ESAM: variants seen among roughly 807,000 people sequenced by gnomAD.
ESAM encodes endothelial cell adhesion molecule.
A neutral mutation model predicts 31.8 loss-of-function variants in ESAM; 23 were observed. The ratio of observed to expected loss-of-function variants is 0.72; its 90% CI spans 0.52 to 1.03. The LOEUF (loss-of-function observed/expected upper bound fraction) is 1.03. ESAM is among the 50% of genes least tolerant of loss of function. The probability of loss-of-function intolerance (pLI) is 0.00; values close to 1 mark genes in which losing one functional copy is unlikely to be tolerated. For synonymous variants in ESAM, 216 were observed against 207.2 expected, an observed-to-expected ratio of 1.04 and a Z score of -0.37; for missense variants, 478 against 488.9, an observed-to-expected ratio of 0.98 and a Z score of 0.21.
At chr11:124,760,843 G>C (rs1944220917) in intron 1 of ESAM, among the ~76,000 whole-genome samples, 2 of 152,218 alleles carry the variant, frequency 1.3e-5, no homozygotes, top group African/African-American at 4.8e-5. Flanking sequence ...TAGAGTTGGG[G>C]TGGAATGCAG....
chr11:124,758,502 T>C lies in ESAM; in HGVS notation c.96A>G (p.Gln32=), dbSNP rs756033455. The change falls in exon 2 of 7, where the codon CAA becomes CAG. Residue 32 remains glutamine, a synonymous_variant. Transcript: ENST00000278927. ...GCAACCGGTTGGCGGGCAAGTGCAG[T>C]TGCAGCTGGGCCCGCGAGGGGGGCG... is the stretch of plus-strand genomic sequence containing the variant. ...ALAPPSRAQL[Q]LHLPANRLQA... 6.3e-7 allele frequency: 1 copy of C among 1,594,676 alleles called. No individual in the cohort carries two copies. Among genetic ancestry groups the C allele is most frequent in the Non-Finnish European group, 8.5e-7 (1 of 1,170,296 alleles).
chr11:124,758,798 G>C (rs1944188887), intron 1 of ESAM, among the ~76,000 whole-genome samples: 1 of 152,212 alleles, frequency 6.6e-6, no homozygotes, highest in Non-Finnish European at 1.5e-5. Context: ...TTCGTATCCA[G>C]AGGCGCAGAT....
chr11:124,756,672 C>G lies in ESAM; in HGVS notation c.320G>C (p.Arg107Pro), dbSNP rs142566421. The change falls in exon 3 of 7, where the codon CGG becomes CCG. Residue 107 changes from arginine to proline, a missense_variant. Transcript: ENST00000278927. ...ACCCTCCAGCCGCAGGGACAGGTTCCGGGAGGGCATGGAGTAGACCAAGGA... is the reference window on the plus strand; with the variant it reads ...ACCCTCCAGCCGCAGGGACAGGTTCGGGGAGGGCATGGAGTAGACCAAGGA... ...GVSLVYSMPS[R>P]NLSLRLEGLQ... 16 of 1,613,990 alleles carry G rather than the reference C, an allele frequency of 9.9e-6. No individual in the cohort carries two copies. Among genetic ancestry groups the G allele is most frequent in the Non-Finnish European group, 1.3e-5 (15 of 1,180,028 alleles).
Position 124,756,761 on chromosome 11 carries a change from C to T in ESAM, c.250-19G>A, listed in dbSNP as rs1468742899. On this transcript the variant is annotated intron_variant, in intron 2 of 6. Coordinates refer to ENST00000278927, the MANE Select transcript of ESAM (RefSeq NM_138961.3). ...ACAACACCTGGTGTGGGGCATAACA[C>T]ATCCCCGTCATTACTACATGTGTCT... is the stretch of plus-strand genomic sequence containing the variant. 5.6e-6 allele frequency: 9 copies of T among 1,612,288 alleles called. No individual in the cohort carries two copies. In the South Asian group the frequency reaches 8.8e-5, roughly 16 times the overall value.
chr11:124,754,828 T>G lies in ESAM; in HGVS notation c.608-65A>C. On this transcript the variant is annotated intron_variant, in intron 4 of 6. Transcript: ENST00000278927. The surrounding 1 kb of genome is among the most constrained non-coding windows in gnomAD (Gnocchi z 4.5). ...TCCCATTAAAAAAAAAAAAAAATCT[T>G]GTCCCTCCTCTGGAATGTCCCCTTT... 1 of 1,410,306 alleles carries G rather than the reference T, an allele frequency of 7.1e-7. No individual in the cohort carries two copies. The allele number at this position is 1,410,306 out of a possible 1,614,324, so 87.4% of individuals were successfully genotyped here.
chr11:124,754,611 T>G lies in ESAM; in HGVS notation c.730+30A>C. 6.3e-7 allele frequency: 1 copy of G among 1,596,388 alleles called. No individual in the cohort carries two copies. The highest frequency in any genetic ancestry group is 8.5e-7 in the Non-Finnish European group (1 of 1,170,260). On this transcript the variant is annotated intron_variant, in intron 5 of 6. Transcript: ENST00000278927. The surrounding 1 kb of genome is among the most constrained non-coding windows in gnomAD (Gnocchi z 4.5). Reference sequence around the variant, plus strand: ...CAACCCCTCCCCCACCATTGACCACTCTTCTTAACCACACTTACCCCTCAC... The same window carrying G: ...CAACCCCTCCCCCACCATTGACCACGCTTCTTAACCACACTTACCCCTCAC...
intron 1 of ESAM, among the ~76,000 whole-genome samples, chr11:124,758,870 G>C (rs1392258411): frequency 6.6e-6 from 1 of 152,224 alleles, no homozygotes; most frequent in African/African-American, 2.4e-5. Context: ...GAGAAGAAAG[G>C]GTGGACCGAC....
rs369368399 is a variant in ESAM, at chr11:124,755,838, A to AT, written c.607+368dup. On this transcript the variant is annotated intron_variant, in intron 4 of 6. Transcript: ENST00000278927. ...TAAAAATGTTTCAGTTATCCCTAAA[A>AT]TTTTTTTTTATAACTGGTGTGTTCA... is the stretch of plus-strand genomic sequence containing the variant. 3.0e-4 allele frequency among the ~76,000 whole-genome samples: 45 copies of AT among 151,988 alleles called. 1 individual carries two copies. Among genetic ancestry groups the AT allele is most frequent in the African/African-American group, 1.0e-3 (42 of 41,470 alleles).
chr11:124,761,684 T>C (rs544296438), intron 1 of ESAM, among the ~76,000 whole-genome samples: 1 of 151,048 alleles, frequency 6.6e-6, no homozygotes, highest in African/African-American at 2.4e-5. Flanking sequence ...CCTCATCAGC[T>C]TGTATGTGGG....
intron 4 of ESAM, 24 bp downstream of exon 4, chr11:124,756,183 C>A: frequency 6.2e-7 from 1 of 1,612,656 alleles, no homozygotes; most frequent in Middle Eastern, 2.0e-4. Flanking sequence ...CCACAGTGTC[C>A]ACTGTTTCCA....
Position 124,759,893 on chromosome 11 carries a change from C to G in ESAM, c.71-1366G>C, listed in dbSNP as rs1272841763. 1.3e-5 allele frequency among the ~76,000 whole-genome samples: 2 copies of G among 152,244 alleles called. No individual in the cohort carries two copies. The highest frequency in any genetic ancestry group is 4.8e-5 in the African/African-American group (2 of 41,466). On this transcript the variant is annotated intron_variant, in intron 1 of 6. Transcript: ENST00000278927. The surrounding 1 kb of genome is among the most constrained non-coding windows in gnomAD (Gnocchi z 6.8). The stretch of plus-strand genomic sequence containing the variant: ...CTGGACGCCCCCTGGGGACCCGGCC[C>G]GCTGGCCATTCCGCTGAGGCCGGGC...
In ESAM at chr11:124,754,254, G is replaced by A. The variant is rs12792040; in HGVS notation, c.817C>T (p.Arg273Cys). 127,900 of 1,613,814 alleles carry A rather than the reference G, an allele frequency of 0.079. 5,428 individuals carry two copies. The highest frequency in any genetic ancestry group is 0.087 in the Non-Finnish European group (102,138 of 1,179,940). Residue 273 changes from arginine (R) to cysteine (C), a missense_variant, in exon 6 of 7, where the codon CGC becomes TGC. By Grantham distance (180) the Arg-to-Cys change is radical (BLOSUM62 -3). Transcript: ENST00000278927. This position sits in a 1 kb window ranked among gnomAD's most constrained non-coding sequence, Gnocchi z 4.5. ...LLAGLVLLYH[R>C]RGKALEEPAN... ...GGCTCCTCCAGGGCCTTGCCCCGGC[G>A]GTGGTACAAGAGGACCAGCCCAGCC... is the stretch of plus-strand genomic sequence containing the variant.
At chr11:124,758,289 T>G (rs1944180462) in intron 2 of ESAM, 60 bp downstream of exon 2, 1 of 1,600,474 alleles carries the variant, frequency 6.2e-7, no homozygotes, top group African/African-American at 1.3e-5. Context: ...CTACCAGCTC[T>G]TTGCTTACAA....
rs1944157711 is a variant in ESAM at position 124,756,541 on chromosome 11, C to T, written c.451G>A (p.Val151Ile). The change falls in exon 3 of 7, where the codon GTT (valine) becomes ATT (isoleucine). Residue 151 changes from valine (V) to isoleucine (I), a missense_variant and splice_region_variant. Transcript: ENST00000278927. ...SIKTLELNVL[V>I]PPAPPSCRLQ... is the part of the protein sequence containing the mutation. Reference sequence around the variant, plus strand: ...GTCCGGAAATCTGCTTCTCACTCACCCAGTACATTGAGTTCTAAGGTTTTG... The same window carrying T: ...GTCCGGAAATCTGCTTCTCACTCACTCAGTACATTGAGTTCTAAGGTTTTG... 6.2e-7 allele frequency: 1 copy of T among 1,613,900 alleles called. No homozygotes were observed. Among genetic ancestry groups the T allele is most frequent in the Non-Finnish European group, 8.5e-7 (1 of 1,180,014 alleles).
At chr11:124,757,759 T>C (rs1944173753) in intron 2 of ESAM, among the ~76,000 whole-genome samples, 1 of 150,010 alleles carries the variant, frequency 6.7e-6, no homozygotes, top group Non-Finnish European at 1.5e-5. Context: ...GTGCAGTGGC[T>C]GGATTTTGGC....
chr11:124,761,664 G>A (rs1448631490), intron 1 of ESAM, among the ~76,000 whole-genome samples: 2 of 152,032 alleles, frequency 1.3e-5, no homozygotes, highest in Non-Finnish European at 2.9e-5. Context: ...GTATTTCCCC[G>A]GGGGATCTTC....
Position 124,762,218 on chromosome 11 carries a change from C to G in ESAM, c.-64G>C. 4 of 1,314,346 alleles carry G rather than the reference C, an allele frequency of 3.0e-6. No individual in the cohort carries two copies. The highest frequency in any genetic ancestry group is 4.1e-6 in the Non-Finnish European group (4 of 971,542). The allele number at this position is 1,314,346 out of a possible 1,614,324, so 81.4% of individuals were successfully genotyped here. On this transcript the variant is annotated 5_prime_UTR_variant, in exon 1 of 7. Coordinates refer to ENST00000278927, the MANE Select transcript of ESAM (RefSeq NM_138961.3). This position sits in a 1 kb window ranked among gnomAD's most constrained non-coding sequence, Gnocchi z 6.4. ...GCGGGACGCACGGACCTGCAGGTGC[C>G]GAGGCTGCGCGACGGCCGGAGCGTG... is the stretch of plus-strand genomic sequence containing the variant.
chr11:124,758,587 C>T, intron 1 of ESAM, 60 bp from the exon 2 acceptor site: 1 of 1,438,848 alleles, frequency 7.0e-7, no homozygotes, highest in Non-Finnish European at 9.1e-7. Context: ...CCCGCGGACC[C>T]TGCCCTACGC....
chr11:124,754,266 G>A lies in ESAM; in HGVS notation c.805C>T (p.Leu269Phe), dbSNP rs1944128513. The A allele has an allele frequency of 1.2e-6, 2 of 1,614,010 alleles. No homozygotes were observed. The highest frequency in any genetic ancestry group is 2.2e-5 in the South Asian group (2 of 91,080). The change falls in exon 6 of 7, where the codon CTC (leucine) becomes TTC (phenylalanine). Residue 269 changes from leucine to phenylalanine, a missense_variant. Coordinates refer to ENST00000278927, the MANE Select transcript of ESAM (RefSeq NM_138961.3). This position sits in a 1 kb window ranked among gnomAD's most constrained non-coding sequence, Gnocchi z 4.5. ...VGLGLLAGLV[L>F]LYHRRGKALE... ...GCCTTGCCCCGGCGGTGGTACAAGA[G>A]GACCAGCCCAGCCAGCAACCCCAGT...
Sources: allele counts gnomAD v4.1 joint callset (sites outside exome capture counted in the v4.1 genomes callset), GRCh38; gene constraint gnomAD v4.1.1; non-coding constraint Gnocchi (gnomAD v3.1); transcripts MANE v1.5; gene names NCBI Gene and HGNC (gene_info 2026-07-23, HGNC 2026-07-21).